Variants in CPEB4 observed in about 807,000 individuals in gnomAD.
CPEB4 encodes cytoplasmic polyadenylation element binding protein 4.
In CPEB4, 12 loss-of-function variants were observed where a neutral mutation model predicts 72.5. The observed-to-expected ratio is 0.17, with a 90% confidence interval of 0.11 to 0.27. The LOEUF is 0.27. Ranked by LOEUF, CPEB4 falls within the 10% of genes least tolerant of loss-of-function variation. The probability of loss-of-function intolerance (pLI) is 1.00; values close to 1 mark genes in which losing one functional copy is unlikely to be tolerated. For synonymous variants in CPEB4, 302 were observed against 326.3 expected (o/e 0.93, Z 0.80); for missense variants, 614 against 908.5 (o/e 0.68, Z 4.17).
chr5:173,913,710 A>G (rs1756762432), intron 2 of CPEB4, among the ~76,000 whole-genome samples: 1 of 152,228 alleles, frequency 6.6e-6, no homozygotes, highest in South Asian at 2.1e-4. Context: ...ATCAAAAGTT[A>G]GGTCTGATGA....
intron 2 of CPEB4, among the ~76,000 whole-genome samples, chr5:173,920,906 C>G (rs1295615804): frequency 6.6e-6 from 1 of 152,096 alleles, no homozygotes; most frequent in East Asian, 1.9e-4. Flanking sequence ...TACATCTTTT[C>G]TTTTTGAGAT....
intron 2 of CPEB4, among the ~76,000 whole-genome samples, chr5:173,911,684 T>G (rs1325022875): frequency 1.4e-5 from 2 of 139,190 alleles, no homozygotes; most frequent in African/African-American, 6.0e-5. Context: ...AAAGCAGGTT[T>G]TTTTTTTTTT....
At chr5:173,902,994 G>T (rs1481880558) in intron 1 of CPEB4, among the ~76,000 whole-genome samples, 1 of 150,868 alleles carries the variant, frequency 6.6e-6, no homozygotes, top group East Asian at 1.9e-4. Flanking sequence ...CATTTGACCA[G>T]TTGTGAGAGA....
chr5:173,896,650 T>C (rs1756023427), intron 1 of CPEB4, among the ~76,000 whole-genome samples: 1 of 152,222 alleles, frequency 6.6e-6, no homozygotes, highest in Non-Finnish European at 1.5e-5. Context: ...TATGAAGCTG[T>C]TGTAAAAATA....
At chr5:173,938,867 G>A (rs918408711) in intron 3 of CPEB4, among the ~76,000 whole-genome samples, 7 of 152,170 alleles carry the variant, frequency 4.6e-5, no homozygotes, top group African/African-American at 1.7e-4. Context: ...AACAAATATA[G>A]CAATATAGCA....
rs184320428 is a variant in CPEB4, at chr5:173,959,044, T to G, written c.*2907T>G. ...ACAGGGCATAAACAATGATTATCTA[T>G]TACTCTGAACTTTATGATTACATGT... On this transcript the variant is annotated 3_prime_UTR_variant, in exon 10 of 10. Transcript: ENST00000265085. 6.5e-5 allele frequency: 10 copies of G among 152,906 alleles called. No individual in the cohort carries two copies. Among genetic ancestry groups the G allele is most frequent in the Admixed American group, 6.5e-4 (10 of 15,296 alleles). The allele number at this position is 152,906 out of a possible 1,614,324, so 9.5% of individuals were successfully genotyped here. A position where few individuals can be genotyped will look rare whatever the true frequency, so the allele number is the denominator to read the frequency against.
intron 2 of CPEB4, 115 bp from the exon 3 acceptor site, chr5:173,932,335 C>A: frequency 1.5e-6 from 1 of 667,658 alleles, no homozygotes; most frequent in Admixed American, 3.0e-5. Flanking sequence ...TTGATATATC[C>A]TCTGATTCAA....
intron 1 of CPEB4, among the ~76,000 whole-genome samples, chr5:173,906,231 C>A (rs1170634026): frequency 1.3e-5 from 2 of 152,160 alleles, no homozygotes; most frequent in South Asian, 2.1e-4. Flanking sequence ...ATAGGAAAAC[C>A]AGCATTGTTT....
rs535575453 is a variant in CPEB4, at chr5:173,930,829, A to G, written c.1208-1621A>G. Among the ~76,000 whole-genome samples the G allele has an allele frequency of 2.0e-4, 30 of 152,002 alleles. No homozygotes were observed. The East Asian group carries it at 4.7e-3, about 24-fold the overall frequency. On this transcript the variant is annotated intron_variant, in intron 2 of 9. Transcript: ENST00000265085. ...CAGTGAAACCCCGTCCCTACTAAAAATACAAAAAAATTAGCCAGGCATGGT... is the reference window on the plus strand; with the variant it reads ...CAGTGAAACCCCGTCCCTACTAAAAGTACAAAAAAATTAGCCAGGCATGGT...
At chr5:173,943,684 A>G (rs1168988829) in intron 4 of CPEB4, among the ~76,000 whole-genome samples, 1 of 152,208 alleles carries the variant, frequency 6.6e-6, no homozygotes, top group Non-Finnish European at 1.5e-5. Flanking sequence ...TTTAAAGGAT[A>G]AGTGATTTTT....
chr5:173,947,670 G>T (rs1758074693), intron 5 of CPEB4, among the ~76,000 whole-genome samples: 1 of 152,170 alleles, frequency 6.6e-6, no homozygotes, highest in Non-Finnish European at 1.5e-5. Flanking sequence ...ATTAGTTTTT[G>T]TAAGTACATA....
intron 2 of CPEB4, among the ~76,000 whole-genome samples, chr5:173,911,847 C>T (rs928971464): frequency 6.6e-6 from 1 of 152,016 alleles, no homozygotes; most frequent in Non-Finnish European, 1.5e-5. Context: ...GCACTGAGGT[C>T]AAAGGTGACA....
intron 3 of CPEB4, among the ~76,000 whole-genome samples, chr5:173,935,216 A>T (rs1332151318): frequency 6.6e-6 from 1 of 152,218 alleles, no homozygotes; most frequent in Non-Finnish European, 1.5e-5. Context: ...AAAAATACAG[A>T]ACAAAGGATT....
At chr5:173,941,021 A>G (rs1757819199) in intron 3 of CPEB4, among the ~76,000 whole-genome samples, 1 of 152,150 alleles carries the variant, frequency 6.6e-6, no homozygotes, top group Non-Finnish European at 1.5e-5. Flanking sequence ...TATTCCGGAA[A>G]TTATTTATTT....
At chr5:173,919,521 C>T (rs999776178) in intron 2 of CPEB4, among the ~76,000 whole-genome samples, 3 of 152,176 alleles carry the variant, frequency 2.0e-5, no homozygotes, top group African/African-American at 7.2e-5. Context: ...TGTTTTCCTT[C>T]TATAATAAAA....
chr5:173,954,847 C>G (rs1271992442), intron 9 of CPEB4, among the ~76,000 whole-genome samples: 1 of 152,206 alleles, frequency 6.6e-6, no homozygotes, highest in Non-Finnish European at 1.5e-5. Context: ...ATGGAGCAGC[C>G]TAGAGGCCAG....
chr5:173,951,744 AC>A, intron 7 of CPEB4, 79 bp from the exon 8 acceptor site: 1 of 792,954 alleles, frequency 1.3e-6, no homozygotes, highest in Admixed American at 1.9e-5. Flanking sequence ...TTTTAAAAAT[AC>A]TTTGTAATAA....
chr5:173,914,526 T>G (rs1019943638), intron 2 of CPEB4, among the ~76,000 whole-genome samples: 9 of 152,138 alleles, frequency 5.9e-5, no homozygotes, highest in Non-Finnish European at 1.0e-4. Context: ...GAGGGCCAGG[T>G]GGGTGCATCA....
intron 4 of CPEB4, among the ~76,000 whole-genome samples, chr5:173,944,253 G>C (rs968011693): frequency 6.6e-4 from 100 of 152,202 alleles, no homozygotes; most frequent in African/African-American, 2.3e-3. Flanking sequence ...ATAACATTAA[G>C]TGGGTTTTGA....
Sources: gnomAD v4.1 joint callset for allele counts (sites outside exome capture counted in the v4.1 genomes callset) on GRCh38, gnomAD v4.1.1 for gene constraint, MANE v1.5 for transcripts, NCBI Gene and HGNC (gene_info 2026-07-23, HGNC 2026-07-21) for gene names.